Variants in USP34 observed in about 807,000 individuals in gnomAD.
USP34 encodes ubiquitin specific peptidase 34, also known as ubiquitin carboxyl-terminal hydrolase 34.
In USP34, 70 loss-of-function variants were observed where a neutral mutation model predicts 460.3. The ratio of observed to expected loss-of-function variants is 0.15; its 90% CI spans 0.13 to 0.19. The LOEUF is 0.19. Among genes scored for constraint, USP34 ranks in the 10% least tolerant of loss-of-function variants. USP34 has a pLI of 1.00. For missense variants in USP34, 3,985 were observed against 4,236.2 expected (o/e 0.94, Z 1.65); for synonymous variants, 1,647 against 1,405.3 (o/e 1.17, Z -3.85).
chr2:61,414,799 T>C (rs764218033), intron 2 of USP34, among the ~76,000 whole-genome samples: 7 of 152,330 alleles, frequency 4.6e-5, no homozygotes, highest in Middle Eastern at 3.4e-3. Context: ...TATTGGTTAC[T>C]TGGTATACAC....
At position 61,405,834 on chromosome 2, in the gene USP34, A is replaced by G. The variant is rs766677476; in HGVS notation, c.426T>C (p.Ser142=). ...TACTCCATAAACTAAAAGGATCAGAACTCTTTGAAGATTCCTCCTCAGTCA... is the reference window on the plus strand; with the variant it reads ...TACTCCATAAACTAAAAGGATCAGAGCTCTTTGAAGATTCCTCCTCAGTCA... ...CNLTEEESSK[S]SDPFSLWSTD... is the part of the protein sequence containing the mutation. The change falls in exon 3 of 80, where the codon AGT becomes AGC. Residue 142 remains serine, a synonymous_variant. Transcript: ENST00000398571. 6 of 1,613,724 alleles carry G rather than the reference A, an allele frequency of 3.7e-6. No individual in the cohort carries two copies. The East Asian group carries it at 1.3e-4, about 36-fold the overall frequency.
chr2:61,269,186 C>T (rs1045628161), intron 41 of USP34, among the ~76,000 whole-genome samples: 7 of 152,000 alleles, frequency 4.6e-5, no homozygotes, highest in Admixed American at 2.0e-4. Flanking sequence ...AGTTTGGAGA[C>T]GATCTCACTC....
chr2:61,350,376 G>A lies in USP34; in HGVS notation c.1391C>T (p.Ala464Val). 1 of 1,611,256 alleles carries A rather than the reference G, an allele frequency of 6.2e-7. No homozygotes were observed. The highest frequency in any genetic ancestry group is 8.5e-7 in the Non-Finnish European group (1 of 1,179,016). ...CCACAGTGCTTTAATTAACATGGAT[G>A]CCAAGTACAGTGTCTAAAAAAAAGA... ...SVHTEQTLYLASMLIKALWNN... is the reference protein window; with the variant it reads ...SVHTEQTLYLVSMLIKALWNN... Residue 464 changes from alanine to valine, a missense_variant, in exon 12 of 80, where the codon GCA (alanine) becomes GTA (valine). Physicochemically the swap from Ala to Val is moderately conservative, Grantham distance 64. This residue lies in a region of USP34 where 716 missense variants were observed against 626.2 expected (regional missense o/e 1.14). Transcript: ENST00000398571.
At chr2:61,204,996 C>T (rs574326236) in intron 72 of USP34, among the ~76,000 whole-genome samples, 14 of 152,002 alleles carry the variant, frequency 9.2e-5, no homozygotes, top group East Asian at 1.9e-4. Flanking sequence ...CTGAAACTAC[C>T]GGCATGCACC....
chr2:61,283,332 T>A (rs1689590823), intron 36 of USP34, 63 bp from the exon 37 acceptor site: 3 of 1,582,856 alleles, frequency 1.9e-6, no homozygotes, highest in Admixed American at 1.8e-5. Context: ...AACACAATGT[T>A]CAATATTAAA....
In USP34 at chr2:61,297,590, G is replaced by C. The variant is rs573000527; in HGVS notation, c.4129-665C>G. On this transcript the variant is annotated intron_variant, in intron 29 of 79. Transcript: ENST00000398571. Reference sequence around the variant, plus strand: ...GTAAAAACTAAAATTGACAGTTTTGGTATTTTCCACGGAGTATAAATTTAT... The same window carrying C: ...GTAAAAACTAAAATTGACAGTTTTGCTATTTTCCACGGAGTATAAATTTAT... Among the ~76,000 whole-genome samples, 8 of 152,252 alleles carry C rather than the reference G, an allele frequency of 5.3e-5. No individual in the cohort carries two copies. In the South Asian group the frequency reaches 1.5e-3, roughly 28 times the overall value.
intron 41 of USP34, among the ~76,000 whole-genome samples, chr2:61,269,570 T>G (rs973830793): frequency 1.6e-4 from 25 of 152,156 alleles, no homozygotes; most frequent in African/African-American, 2.9e-4. Context: ...GAATGTATAT[T>G]GTCTACAAAG....
chr2:61,347,988 T>C lies in USP34; in HGVS notation c.2167A>G (p.Ile723Val). 2.5e-6 allele frequency: 4 copies of C among 1,614,188 alleles called. No homozygotes were observed. The highest frequency in any genetic ancestry group is 2.5e-6 in the Non-Finnish European group (3 of 1,180,026). ...HIAQGSQESC[I>V]TRTGDFLGET... ...CCAAGGAAGTCCCCAGTTCGTGTGATACAAGACTCCTGAGACCCTTGTGCT... is the reference window on the plus strand; with the variant it reads ...CCAAGGAAGTCCCCAGTTCGTGTGACACAAGACTCCTGAGACCCTTGTGCT... The change falls in exon 15 of 80, where the codon ATC (isoleucine) becomes GTC (valine). Residue 723 changes from isoleucine (I) to valine (V), a missense_variant. Ile to Val is a conservative substitution (Grantham distance 29). Around this residue, in one of 14 missense-constraint regions of USP34, gnomAD observed 716 missense variants for 626.2 expected, o/e 1.14. Transcript: ENST00000398571.
rs753989040 is a variant in USP34, at chr2:61,314,565, T to C, written c.3542+20A>G. ...ATAAAAATGAAATTCATTCTAACAGTGTGATATTTTAAAAATTACCTTCTC... is the reference window on the plus strand; with the variant it reads ...ATAAAAATGAAATTCATTCTAACAGCGTGATATTTTAAAAATTACCTTCTC... On this transcript the variant is annotated intron_variant, in intron 25 of 79. Coordinates refer to ENST00000398571, the MANE Select transcript of USP34 (RefSeq NM_014709.4). 4.1e-6 allele frequency: 6 copies of C among 1,466,116 alleles called. No individual in the cohort carries two copies. Among genetic ancestry groups the C allele is most frequent in the Admixed American group, 5.1e-5 (2 of 39,210 alleles). The allele number at this position is 1,466,116 out of a possible 1,614,324, so 90.8% of individuals were successfully genotyped here.
rs70963432 is a variant in USP34 at position 61,451,220 on chromosome 2, C to CAAAAAAAAAAAAAAAAA, written c.43+19413_43+19429dup. The stretch of plus-strand genomic sequence containing the variant: ...CAGGTGACAGTGTGAGGCTTCATCT[C>CAAAAAAAAAAAAAAAAA]AAAAAAAAAAAAAAAAAAAAAAAAA... On this transcript the variant is annotated intron_variant, in intron 1 of 79. Transcript: ENST00000398571. Among the ~76,000 whole-genome samples the CAAAAAAAAAAAAAAAAA allele has an allele frequency of 4.7e-4, 24 of 50,778 alleles. 1 individual carries two copies. Among genetic ancestry groups the CAAAAAAAAAAAAAAAAA allele is most frequent in the Non-Finnish European group, 7.5e-4 (20 of 26,778 alleles). The allele number at this position is 50,778 out of a possible 152,430, so 33.3% of individuals were successfully genotyped here.
intron 16 of USP34, among the ~76,000 whole-genome samples, chr2:61,342,333 C>G (rs2103761458): frequency 7.5e-6 from 1 of 133,290 alleles, no homozygotes. Context: ...CGGAGTCTCA[C>G]TCTGTCATCC....
chr2:61,229,471 A>AAAC, intron 59 of USP34, 77 bp downstream of exon 59: 16 of 693,352 alleles, frequency 2.3e-5, no homozygotes, highest in Non-Finnish European at 3.0e-5. Flanking sequence ...AAAAAAAAAA[A>AAAC]AAAACAAAAA....
chr2:61,425,517 G>C (rs910799551), intron 1 of USP34, among the ~76,000 whole-genome samples: 12 of 152,034 alleles, frequency 7.9e-5, no homozygotes, highest in Non-Finnish European at 1.3e-4. Context: ...AAGAAAACCA[G>C]ATCAAACCCA....
rs1241528831 is a variant in USP34, at chr2:61,470,759, G to T, written c.-67C>A. On this transcript the variant is annotated 5_prime_UTR_variant, in exon 1 of 80. Coordinates refer to ENST00000398571, the MANE Select transcript of USP34 (RefSeq NM_014709.4). ...CTGACTGATCCCGACCGGCGGGGGG[G>T]AGGGGAGAGAGGCGGAGGAGGGGGC... 2.8e-6 allele frequency: 4 copies of T among 1,418,410 alleles called. No homozygotes were observed. Among genetic ancestry groups the T allele is most frequent in the Admixed American group, 1.9e-5 (1 of 53,006 alleles). The allele number at this position is 1,418,410 out of a possible 1,614,324, so 87.9% of individuals were successfully genotyped here. A position where few individuals can be genotyped will look rare whatever the true frequency, so the allele number is the denominator to read the frequency against.
chr2:61,285,008 C>A (rs1689645689), intron 34 of USP34, 51 bp from the exon 35 acceptor site: 5 of 1,458,570 alleles, frequency 3.4e-6, no homozygotes, highest in African/African-American at 2.8e-5. Flanking sequence ...AAAAGGAAAA[C>A]CCTCAAAAAG....
At chr2:61,382,637 C>A (rs114654007) in intron 6 of USP34, among the ~76,000 whole-genome samples, 2,930 of 152,280 alleles carry the variant, frequency 0.019, 33 homozygotes, top group Middle Eastern at 0.051. Flanking sequence ...AAGTACAATA[C>A]TGTCATAAAT....
In USP34 at chr2:61,343,828, T is replaced by C. The variant is rs1553373481; in HGVS notation, c.2487A>G (p.Glu829=). The C allele has an allele frequency of 6.2e-7, 1 of 1,613,874 alleles. No homozygotes were observed. The change falls in exon 16 of 80, where the codon GAA becomes GAG. Residue 829 remains glutamate, a synonymous_variant. Coordinates refer to ENST00000398571, the MANE Select transcript of USP34 (RefSeq NM_014709.4). ...HLPNLASIYH[E]HLSQGPVVHK... ...GTAGAGTCTTACCTTGACTAAGATGTTCATGGTAAATGGAAGCTAAATTGG... is the reference window on the plus strand; with the variant it reads ...GTAGAGTCTTACCTTGACTAAGATGCTCATGGTAAATGGAAGCTAAATTGG...
intron 3 of USP34, among the ~76,000 whole-genome samples, chr2:61,399,524 C>A (rs1218374916): frequency 6.6e-6 from 1 of 151,754 alleles, no homozygotes; most frequent in East Asian, 1.9e-4. Context: ...AATTAACACA[C>A]ATCTATAGGT....
chr2:61,414,070 C>A (rs565827674), intron 2 of USP34, among the ~76,000 whole-genome samples: 2 of 152,090 alleles, frequency 1.3e-5, no homozygotes, highest in Non-Finnish European at 2.9e-5. Context: ...CCAGCCTGGG[C>A]AACATGGGGA....
Sources: gnomAD v4.1 joint callset for allele counts (sites outside exome capture counted in the v4.1 genomes callset) on GRCh38, gnomAD v4.1.1 for gene constraint, gnomAD v4.1.1 regional missense constraint, MANE v1.5 for transcripts, NCBI Gene and HGNC (gene_info 2026-07-23, HGNC 2026-07-21) for gene names.